Variants in RPS6KC1 observed in about 807,000 individuals in gnomAD.
RPS6KC1 encodes the protein ribosomal protein S6 kinase C1, also known as inactive ribosomal protein S6 kinase delta-1.
RPS6KC1 carries 54 observed loss-of-function variants against 103.8 expected under a neutral mutation model. The observed-to-expected ratio is 0.52, with a 90% confidence interval of 0.42 to 0.65. The LOEUF (loss-of-function observed/expected upper bound fraction) is 0.65. Among genes scored for constraint, RPS6KC1 ranks in the 30% least tolerant of loss-of-function variants. RPS6KC1 has a pLI of 0.00. For synonymous variants in RPS6KC1, 439 were observed against 438.7 expected (o/e 1.00, Z -0.01); for missense variants, 1,151 against 1,253.8 (o/e 0.92, Z 1.24).
the RPS6KC1 span, among the ~76,000 whole-genome samples, chr1:213,630,458 G>A: frequency 2.0e-5 from 3 of 152,070 alleles, no homozygotes; most frequent in Non-Finnish European, 4.4e-5. Flanking sequence ...CTCTGCATTG[G>A]TTATTCTAGT....
the RPS6KC1 span, among the ~76,000 whole-genome samples, chr1:213,752,406 T>C: frequency 6.6e-6 from 1 of 152,156 alleles, no homozygotes; most frequent in Non-Finnish European, 1.5e-5. Context: ...TAAAACATTA[T>C]TGACAAATCG....
chr1:213,418,881 C>T, the RPS6KC1 span, among the ~76,000 whole-genome samples: 1 of 152,210 alleles, frequency 6.6e-6, no homozygotes, highest in Non-Finnish European at 1.5e-5. Flanking sequence ...TCAGCTCCCC[C>T]CAGCTGCAGG....
At chr1:213,477,546 T>C in the RPS6KC1 span, among the ~76,000 whole-genome samples, 2 of 152,238 alleles carry the variant, frequency 1.3e-5, no homozygotes, top group Admixed American at 6.5e-5. Flanking sequence ...AATATCAATC[T>C]TTGTTTTTTA....
the RPS6KC1 span, among the ~76,000 whole-genome samples, chr1:213,854,602 T>G: frequency 6.6e-6 from 1 of 151,402 alleles, no homozygotes; most frequent in Non-Finnish European, 1.5e-5. Context: ...TTCTTTGAGT[T>G]CCTTCTCTAC....
At chr1:213,379,956 C>G in the RPS6KC1 span, among the ~76,000 whole-genome samples, 2 of 152,114 alleles carry the variant, frequency 1.3e-5, no homozygotes, top group Non-Finnish European at 1.5e-5. Context: ...ACCATTCGAT[C>G]CAGTGATCCC....
At chr1:213,339,410 G>T in the RPS6KC1 span, among the ~76,000 whole-genome samples, 1 of 152,214 alleles carries the variant, frequency 6.6e-6, no homozygotes, top group Non-Finnish European at 1.5e-5. Context: ...TTTCAGACCA[G>T]AAAGATAACC....
chr1:213,306,668 A>G, the RPS6KC1 span, among the ~76,000 whole-genome samples: 5 of 152,174 alleles, frequency 3.3e-5, no homozygotes, highest in Non-Finnish European at 7.3e-5. Context: ...TTTACATGCC[A>G]CCTCTACTTG....
At chr1:213,371,670 A>G in the RPS6KC1 span, among the ~76,000 whole-genome samples, 1 of 152,226 alleles carries the variant, frequency 6.6e-6, no homozygotes, top group African/African-American at 2.4e-5. Context: ...ATATTTAAAA[A>G]TGAAGATATT....
chr1:213,566,031 A>G, the RPS6KC1 span, among the ~76,000 whole-genome samples: 1 of 152,120 alleles, frequency 6.6e-6, no homozygotes, highest in Non-Finnish European at 1.5e-5. Context: ...ACACACAAAC[A>G]CCCCAAATAA....
At chr1:213,151,228 C>T (rs2088800120) in intron 6 of RPS6KC1, among the ~76,000 whole-genome samples, 3 of 121,590 alleles carry the variant, frequency 2.5e-5, no homozygotes, top group Admixed American at 7.7e-5. Flanking sequence ...GCTGACCCCC[C>T]CACCTCCCTC....
the RPS6KC1 span, among the ~76,000 whole-genome samples, chr1:213,856,694 A>C: frequency 6.6e-6 from 1 of 152,260 alleles, no homozygotes; most frequent in Non-Finnish European, 1.5e-5. Flanking sequence ...ACAATCTGTT[A>C]AGGAAACACT....
intron 7 of RPS6KC1, among the ~76,000 whole-genome samples, chr1:213,174,484 A>G (rs759914005): frequency 1.3e-5 from 2 of 152,098 alleles, no homozygotes; most frequent in Non-Finnish European, 2.9e-5. Flanking sequence ...AGCCTCGCCA[A>G]CATGATGAAA....
intron 8 of RPS6KC1, among the ~76,000 whole-genome samples, chr1:213,218,103 A>G (rs1348129782): frequency 2.1e-5 from 3 of 142,278 alleles, no homozygotes. Context: ...TGCAGATGAC[A>G]TGATTATATA....
chr1:213,162,925 A>C (rs182048507), intron 6 of RPS6KC1, among the ~76,000 whole-genome samples: 1 of 152,364 alleles, frequency 6.6e-6, no homozygotes, highest in Admixed American at 6.5e-5. Context: ...CTAAATGCAA[A>C]TGGAAATCAG....
chr1:213,267,923 A>T (rs1439309031), intron 14 of RPS6KC1, among the ~76,000 whole-genome samples: 1 of 151,970 alleles, frequency 6.6e-6, no homozygotes, highest in African/African-American at 2.4e-5. Context: ...GAACAGGACT[A>T]TGGAAATCTG....
the RPS6KC1 span, among the ~76,000 whole-genome samples, chr1:213,287,232 A>ATGTGTGTGTGTGTG: frequency 6.8e-6 from 1 of 146,732 alleles, no homozygotes; most frequent in African/African-American, 2.5e-5. Context: ...TGCCTATACA[A>ATGTGTGTGTGTGTG]TGTGTGTGTG....
chr1:213,385,836 A>G, the RPS6KC1 span, among the ~76,000 whole-genome samples: 1 of 152,200 alleles, frequency 6.6e-6, no homozygotes, highest in Non-Finnish European at 1.5e-5. Context: ...TACTGTTCAC[A>G]GGTGCTGAGC....
the RPS6KC1 span, among the ~76,000 whole-genome samples, chr1:213,794,018 A>T: frequency 3.4e-4 from 52 of 152,208 alleles, no homozygotes; most frequent in Non-Finnish European, 6.5e-4. Flanking sequence ...CGACGAGATT[A>T]GAAAAACCGC....
At chr1:213,590,484 C>T in the RPS6KC1 span, among the ~76,000 whole-genome samples, 1,164 of 152,184 alleles carry the variant, frequency 7.6e-3, 19 homozygotes, top group African/African-American at 0.024. Flanking sequence ...GTAGAAGAGA[C>T]GGGACAGAAG....
Sources: gnomAD v4.1 joint callset for allele counts (sites outside exome capture counted in the v4.1 genomes callset) on GRCh38, gnomAD v4.1.1 for gene constraint, MANE v1.5 for transcripts, NCBI Gene and HGNC (gene_info 2026-07-23, HGNC 2026-07-21) for gene names.